TMEM232: variants seen among roughly 807,000 people sequenced by gnomAD.
TMEM232 encodes the protein transmembrane protein 232.
Under a neutral mutation model 78.8 loss-of-function variants are expected in TMEM232, and 80 were observed. The ratio of observed to expected loss-of-function variants is 1.01; its 90% CI spans 0.85 to 1.22. TMEM232 has a LOEUF of 1.22. TMEM232 is among the 50% of genes most tolerant of loss of function. TMEM232 has a pLI of 0.00. For missense variants in TMEM232, 881 were observed against 742.2 expected (o/e 1.19, Z -2.17); for synonymous variants, 297 against 254.3 (o/e 1.17, Z -1.60).
chr5:110,602,704 A>AT (rs1470433083), intron 10 of TMEM232, among the ~76,000 whole-genome samples: 3 of 152,200 alleles, frequency 2.0e-5, no homozygotes, highest in Admixed American at 2.0e-4. Flanking sequence ...GGGAGTGTAA[A>AT]TTAGTTTAAC....
At chr5:110,466,284 C>A (rs780020578) in intron 12 of TMEM232, among the ~76,000 whole-genome samples, 1 of 152,062 alleles carries the variant, frequency 6.6e-6, no homozygotes, top group Non-Finnish European at 1.5e-5. Context: ...AAACAGAATA[C>A]CAAGATAATG....
intron 10 of TMEM232, among the ~76,000 whole-genome samples, chr5:110,583,256 AG>A (rs1310641885): frequency 1.3e-5 from 2 of 152,036 alleles, no homozygotes; most frequent in Non-Finnish European, 2.9e-5. Context: ...GTATACTTCA[AG>A]GCTACATAAA....
intron 12 of TMEM232, among the ~76,000 whole-genome samples, chr5:110,451,929 A>G (rs1027070996): frequency 1.3e-5 from 2 of 152,138 alleles, no homozygotes; most frequent in Non-Finnish European, 2.9e-5. Flanking sequence ...TTAACAGAAA[A>G]TCTGTTTAAA....
At chr5:110,574,071 A>G (rs1312884500) in intron 10 of TMEM232, among the ~76,000 whole-genome samples, 2 of 151,982 alleles carry the variant, frequency 1.3e-5, no homozygotes, top group African/African-American at 2.4e-5. Flanking sequence ...GATGCTTGTT[A>G]AATATTAGTC....
intron 5 of TMEM232, among the ~76,000 whole-genome samples, chr5:110,630,696 C>A (rs758651276): frequency 6.6e-6 from 1 of 152,142 alleles, no homozygotes; most frequent in Non-Finnish European, 1.5e-5. Flanking sequence ...GAATATTAAA[C>A]CCCTTTTCTT....
At chr5:110,686,619 T>A (rs76911819) in intron 1 of TMEM232, among the ~76,000 whole-genome samples, 2 of 152,102 alleles carry the variant, frequency 1.3e-5, no homozygotes, top group East Asian at 1.9e-4. Flanking sequence ...AGAACCCTTA[T>A]TGAGTTGTAT....
chr5:110,462,248 G>A (rs75822441), intron 12 of TMEM232, among the ~76,000 whole-genome samples: 3,998 of 152,188 alleles, frequency 0.026, 174 homozygotes, highest in African/African-American at 0.092. Flanking sequence ...CAGCCTTTAC[G>A]GATAACTTTG....
At chr5:110,630,212 GC>G (rs1470041926) in intron 5 of TMEM232, among the ~76,000 whole-genome samples, 1 of 152,164 alleles carries the variant, frequency 6.6e-6, no homozygotes, top group African/African-American at 2.4e-5. Context: ...TAAAGAGCAA[GC>G]TTTAAAAATA....
At chr5:110,679,979 T>C (rs1792510264) in intron 1 of TMEM232, among the ~76,000 whole-genome samples, 1 of 152,162 alleles carries the variant, frequency 6.6e-6, no homozygotes, top group African/African-American at 2.4e-5. Context: ...AAAGCATCTT[T>C]AAAAAGTAAT....
At chr5:110,452,887 A>G (rs550955543) in intron 12 of TMEM232, among the ~76,000 whole-genome samples, 1 of 152,338 alleles carries the variant, frequency 6.6e-6, no homozygotes, top group South Asian at 2.1e-4. Context: ...AGTTCCTATT[A>G]CAATGTAAAA....
intron 8 of TMEM232, among the ~76,000 whole-genome samples, chr5:110,614,499 T>C (rs962665008): frequency 6.6e-6 from 1 of 152,080 alleles, no homozygotes; most frequent in Non-Finnish European, 1.5e-5. Context: ...ACACAAATCA[T>C]TAGTAAGTTA....
intron 11 of TMEM232, among the ~76,000 whole-genome samples, chr5:110,544,930 T>TAG (rs1277754227): frequency 3.3e-5 from 5 of 152,256 alleles, no homozygotes; most frequent in South Asian, 2.1e-4. Context: ...ACTGATATAG[T>TAG]AGCAAAAGAA....
intron 2 of TMEM232, among the ~76,000 whole-genome samples, chr5:110,643,463 G>A (rs1006377721): frequency 6.6e-6 from 1 of 151,988 alleles, no homozygotes; most frequent in African/African-American, 2.4e-5. Context: ...TCAAAGAAAA[G>A]TAGGACAAAT....
intron 12 of TMEM232, among the ~76,000 whole-genome samples, chr5:110,443,033 A>T (rs1287015116): frequency 6.6e-6 from 1 of 152,106 alleles, no homozygotes; most frequent in East Asian, 1.9e-4. Flanking sequence ...GGTCAACCTG[A>T]TGTCAGCACA....
At chr5:110,668,305 C>A (rs1267819929) in intron 1 of TMEM232, among the ~76,000 whole-genome samples, 1 of 152,226 alleles carries the variant, frequency 6.6e-6, no homozygotes, top group East Asian at 1.9e-4. Flanking sequence ...AAGAGTTGTG[C>A]TTAATAAAAA....
chr5:110,736,234 C>T (rs535792766), intron 1 of TMEM232, among the ~76,000 whole-genome samples: 2 of 152,180 alleles, frequency 1.3e-5, no homozygotes, highest in African/African-American at 4.8e-5. Flanking sequence ...TGGAGAAATA[C>T]AGGATGATAG....
chr5:110,469,127 C>G (rs546938885), intron 12 of TMEM232, among the ~76,000 whole-genome samples: 12 of 152,162 alleles, frequency 7.9e-5, no homozygotes, highest in Non-Finnish European at 1.5e-4. Context: ...GCTAAGGGAG[C>G]TGTCTGGAGT....
chr5:110,637,296 C>T (rs893092569), intron 5 of TMEM232, among the ~76,000 whole-genome samples: 4 of 151,532 alleles, frequency 2.6e-5, no homozygotes, highest in African/African-American at 9.7e-5. Flanking sequence ...ACGCAAAGCT[C>T]AGTTTTTTGC....
intron 10 of TMEM232, among the ~76,000 whole-genome samples, chr5:110,591,031 A>T (rs1013250563): frequency 6.6e-6 from 1 of 152,142 alleles, no homozygotes; most frequent in Non-Finnish European, 1.5e-5. Flanking sequence ...CAATCGGAGG[A>T]GATTTGGGTG....
Sources: gnomAD v4.1 joint callset for allele counts (sites outside exome capture counted in the v4.1 genomes callset) on GRCh38, gnomAD v4.1.1 for gene constraint, MANE v1.5 for transcripts, NCBI Gene and HGNC (gene_info 2026-07-23, HGNC 2026-07-21) for gene names.